UBE2Q2: variants seen among roughly 807,000 people sequenced by gnomAD.
UBE2Q2 encodes ubiquitin-conjugating enzyme E2 Q2.
UBE2Q2 carries 54 observed loss-of-function variants against 59.9 expected under a neutral mutation model. The observed-to-expected ratio is 0.90, with a 90% confidence interval of 0.72 to 1.13. UBE2Q2 has a LOEUF of 1.13. Ranked by LOEUF, UBE2Q2 falls within the 50% of genes most tolerant of loss-of-function variation. UBE2Q2 has a pLI of 0.00. For synonymous variants in UBE2Q2, 165 were observed against 155.2 expected, an observed-to-expected ratio of 1.06 and a Z score of -0.47; for missense variants, 433 against 441.9, an observed-to-expected ratio of 0.98 and a Z score of 0.18.
intron 4 of UBE2Q2, among the ~76,000 whole-genome samples, chr15:75,870,166 C>G (rs1897710188): frequency 6.6e-6 from 1 of 152,126 alleles, no homozygotes; most frequent in African/African-American, 2.4e-5. Flanking sequence ...CTCCTGGACT[C>G]AAGCAATCCT....
intron 3 of UBE2Q2, among the ~76,000 whole-genome samples, chr15:75,862,814 C>CAAAAAAAAAAAAAAAAACAAAAAAA (rs1897265393): frequency 1.9e-5 from 1 of 53,926 alleles, no homozygotes; most frequent in Non-Finnish European, 3.5e-5. Flanking sequence ...AACCCTATCT[C>CAAAAAAAAAAAAAAAAACAAAAAAA]AAAAAAAAAA....
In UBE2Q2 at chr15:75,879,172, T is replaced by A; in HGVS notation, c.809T>A (p.Leu270His). ...KEKEGIEYIL[L>H]NFSFKDNFPF... ...AAAGAAGGCATAGAATATATTTTGC[T>A]TAACTTCTCTTTTAAGGTAAGAAAA... The change falls in exon 8 of 13, where the codon CTT becomes CAT. Residue 270 changes from leucine to histidine, a missense_variant. Physicochemically the swap from Leu to His is moderately conservative, Grantham distance 99. Transcript: ENST00000267938. 6.3e-7 allele frequency: 1 copy of A among 1,593,430 alleles called. No homozygotes were observed.
chr15:75,874,483 C>G (rs1043532648), intron 5 of UBE2Q2, among the ~76,000 whole-genome samples: 6 of 151,532 alleles, frequency 4.0e-5, no homozygotes, highest in Admixed American at 3.3e-4. Context: ...AGGGTTTCAC[C>G]ATGTTGGCCA....
At chr15:75,843,891 G>T in intron 1 of UBE2Q2, 45 bp downstream of exon 1, 1 of 1,505,552 alleles carries the variant, frequency 6.6e-7, no homozygotes. Flanking sequence ...CGAGGACGGA[G>T]AGGGGGCGCT....
intron 1 of UBE2Q2, among the ~76,000 whole-genome samples, chr15:75,845,099 G>A (rs1324817283): frequency 6.6e-6 from 1 of 152,138 alleles, no homozygotes. Flanking sequence ...TCTTCTTGGG[G>A]GAAGAGTTCA....
intron 3 of UBE2Q2, among the ~76,000 whole-genome samples, chr15:75,867,711 A>G (rs1300565283): frequency 6.6e-6 from 1 of 152,172 alleles, no homozygotes; most frequent in African/African-American, 2.4e-5. Flanking sequence ...ACAGACCCAG[A>G]TGCATGTGAG....
At chr15:75,855,108 A>G (rs1356810716) in intron 2 of UBE2Q2, among the ~76,000 whole-genome samples, 1 of 152,060 alleles carries the variant, frequency 6.6e-6, no homozygotes, top group East Asian at 1.9e-4. Flanking sequence ...ACCAGTATAT[A>G]TTTTTCCTTT....
At chr15:75,887,002 T>C (rs1416210886) in intron 9 of UBE2Q2, among the ~76,000 whole-genome samples, 1 of 152,174 alleles carries the variant, frequency 6.6e-6, no homozygotes, top group Non-Finnish European at 1.5e-5. Context: ...GAGACAAATA[T>C]TTTATGCATA....
chr15:75,886,221 G>A (rs934824574), intron 9 of UBE2Q2, among the ~76,000 whole-genome samples: 1 of 152,026 alleles, frequency 6.6e-6, no homozygotes, highest in East Asian at 1.9e-4. Context: ...CCGGGTTCAA[G>A]CCATTCTCCT....
intron 7 of UBE2Q2, 71 bp downstream of exon 7, chr15:75,878,092 T>G (rs1898187366): frequency 7.6e-7 from 1 of 1,319,300 alleles, no homozygotes; most frequent in African/African-American, 1.5e-5. Flanking sequence ...ATTTTCCTTC[T>G]AACTTGATAC....
At chr15:75,891,550 A>G (rs1461707417) in intron 11 of UBE2Q2, among the ~76,000 whole-genome samples, 1 of 150,298 alleles carries the variant, frequency 6.7e-6, no homozygotes. Context: ...AGGTGCTATT[A>G]TTATCTGCAT....
intron 1 of UBE2Q2, among the ~76,000 whole-genome samples, chr15:75,852,622 AG>A: frequency 6.6e-6 from 1 of 152,342 alleles, no homozygotes; most frequent in African/African-American, 2.4e-5. Flanking sequence ...GTGTAGTTGC[AG>A]TTTCTTTAGC....
At chr15:75,874,196 A>T (rs1161836535) in intron 5 of UBE2Q2, among the ~76,000 whole-genome samples, 1 of 151,948 alleles carries the variant, frequency 6.6e-6, no homozygotes, top group African/African-American at 2.4e-5. Context: ...GACAAAATAC[A>T]ATTCAAGTTC....
chr15:75,895,686 T>C (rs1348536471), intron 11 of UBE2Q2, among the ~76,000 whole-genome samples: 2 of 151,900 alleles, frequency 1.3e-5, no homozygotes, highest in African/African-American at 4.8e-5. Flanking sequence ...AAATCAAAAC[T>C]ATACTGGGAG....
At chr15:75,880,367 C>T (rs192437427) in intron 8 of UBE2Q2, among the ~76,000 whole-genome samples, 1 of 152,258 alleles carries the variant, frequency 6.6e-6, no homozygotes, top group Admixed American at 6.5e-5. Flanking sequence ...CCTGCCTCGG[C>T]CTCCCAAAGT....
intron 2 of UBE2Q2, among the ~76,000 whole-genome samples, chr15:75,859,516 GT>G (rs1423980199): frequency 6.6e-6 from 1 of 152,012 alleles, no homozygotes; most frequent in Non-Finnish European, 1.5e-5. Context: ...GTTATTTTTT[GT>G]TTTTATTTTT....
intron 6 of UBE2Q2, 24 bp from the exon 7 acceptor site, chr15:75,877,937 C>T: frequency 6.2e-7 from 1 of 1,601,432 alleles, no homozygotes; most frequent in Non-Finnish European, 8.5e-7. Context: ...TGAAGAGTAG[C>T]TAACATGCTC....
At chr15:75,887,688 A>T (rs891727651) in intron 9 of UBE2Q2, among the ~76,000 whole-genome samples, 1 of 152,156 alleles carries the variant, frequency 6.6e-6, no homozygotes. Flanking sequence ...AAATCTGGTG[A>T]CAGCAGAAGA....
intron 1 of UBE2Q2, chr15:75,844,672 G>T: frequency 1.7e-6 from 1 of 580,858 alleles, no homozygotes; most frequent in Middle Eastern, 4.3e-4. Flanking sequence ...CTTGGTAAAG[G>T]AATTGAAGTA....
Sources: allele counts gnomAD v4.1 joint callset (sites outside exome capture counted in the v4.1 genomes callset), GRCh38; gene constraint gnomAD v4.1.1; transcripts MANE v1.5; gene names NCBI Gene and HGNC (gene_info 2026-07-23, HGNC 2026-07-21).